CAPZB: variants seen among roughly 807,000 people sequenced by gnomAD.
CAPZB encodes F-actin-capping protein subunit beta.
Under a neutral mutation model 38.1 loss-of-function variants are expected in CAPZB, and 2 were observed. The observed-to-expected ratio is 0.05, with a 90% CI of 0.02 to 0.17. CAPZB has a LOEUF of 0.17. CAPZB is among the 10% of genes least tolerant of loss of function. CAPZB has a pLI of 1.00. For synonymous variants in CAPZB, 107 were observed against 127.4 expected, an observed-to-expected ratio of 0.84 and a Z score of 1.08; for missense variants, 161 against 334.2, an observed-to-expected ratio of 0.48 and a Z score of 4.04.
chr1:19,421,447 G>A (rs943033140), intron 1 of CAPZB, among the ~76,000 whole-genome samples: 5 of 152,354 alleles, frequency 3.3e-5, no homozygotes, highest in East Asian at 1.9e-4. Flanking sequence ...ATCAGTGACA[G>A]TTCATCCTGG....
chr1:19,476,850 AC>A (rs2094608604), intron 1 of CAPZB, among the ~76,000 whole-genome samples: 1 of 152,206 alleles, frequency 6.6e-6, no homozygotes, highest in Non-Finnish European at 1.5e-5. Flanking sequence ...GTACAGGGGA[AC>A]CTCTCGGCCC....
rs375503612 is a variant in CAPZB at position 19,478,267 on chromosome 1, G to C, written c.3+7169C>G. 5.9e-5 allele frequency among the ~76,000 whole-genome samples: 9 copies of C among 152,176 alleles called. No homozygotes were observed. In the East Asian group the frequency reaches 9.6e-4, roughly 16 times the overall value. ...GAAGGAACTAGCACCTGCCTTCCAG[G>C]CTGGTTGGGAAGTTAAATGAAACAC... On this transcript the variant is annotated intron_variant, in intron 1 of 8. Coordinates refer to ENST00000264202, the MANE Select transcript of CAPZB (RefSeq NM_004930.5).
chr1:19,417,193 G>A (rs1049212100), intron 2 of CAPZB, among the ~76,000 whole-genome samples: 3 of 152,044 alleles, frequency 2.0e-5, no homozygotes, highest in Non-Finnish European at 4.4e-5. Context: ...AGGGAGTCCC[G>A]GAGAAAAGAC....
At chr1:19,346,013 G>T (rs2093958550) in intron 6 of CAPZB, among the ~76,000 whole-genome samples, 1 of 152,178 alleles carries the variant, frequency 6.6e-6, no homozygotes, top group African/African-American at 2.4e-5. Context: ...GGAGGAGGGA[G>T]GAAATGGAGG....
intron 3 of CAPZB, among the ~76,000 whole-genome samples, chr1:19,379,903 C>A (rs2094164785): frequency 6.6e-6 from 1 of 152,160 alleles, no homozygotes; most frequent in African/African-American, 2.4e-5. Context: ...AAGTCCTTCA[C>A]ACTCTTGGTC....
intron 2 of CAPZB, among the ~76,000 whole-genome samples, chr1:19,411,854 C>T (rs949496733): frequency 6.6e-6 from 1 of 152,156 alleles, no homozygotes; most frequent in Non-Finnish European, 1.5e-5. Context: ...GCCACCTGGA[C>T]ACAAATCAGA....
In CAPZB at chr1:19,345,100, GAGA is replaced by G. The variant is rs1258039841; in HGVS notation, c.654+84_654+86del. The G allele has an allele frequency of 1.5e-5, 15 of 1,003,918 alleles. No individual in the cohort carries two copies. The African/African-American group carries it at 1.8e-4, about 12-fold the overall frequency. The allele number at this position is 1,003,918 out of a possible 1,614,324, so 62.2% of individuals were successfully genotyped here. A position where few individuals can be genotyped will look rare whatever the true frequency, so the allele number is the denominator to read the frequency against. ...GCGGTGGAGCTGAGAGAAAGCAGCA[GAGA>G]AGGAGGCCAGCACAGCGGCTCCGGG... is the stretch of plus-strand genomic sequence containing the variant. On this transcript the variant is annotated intron_variant, in intron 7 of 8. Transcript: ENST00000264202.
intron 3 of CAPZB, among the ~76,000 whole-genome samples, chr1:19,382,884 T>C (rs539843439): frequency 6.2e-4 from 94 of 152,330 alleles, no homozygotes; most frequent in African/African-American, 2.2e-3. Context: ...CTGAACTGCA[T>C]GCCGGGCGAG....
intron 1 of CAPZB, among the ~76,000 whole-genome samples, chr1:19,443,250 G>A (rs1297628300): frequency 2.0e-5 from 3 of 151,576 alleles, no homozygotes; most frequent in African/African-American, 7.3e-5. Flanking sequence ...AAAAAAATTA[G>A]CCAGGCATGG....
At chr1:19,456,802 T>C (rs1274143187) in intron 1 of CAPZB, among the ~76,000 whole-genome samples, 2 of 152,166 alleles carry the variant, frequency 1.3e-5, no homozygotes, top group Non-Finnish European at 2.9e-5. Context: ...AATAATGTTA[T>C]AAAGGGAGAA....
chr1:19,464,544 G>A (rs551898057), intron 1 of CAPZB, among the ~76,000 whole-genome samples: 3 of 151,900 alleles, frequency 2.0e-5, no homozygotes, highest in Non-Finnish European at 4.4e-5. Flanking sequence ...CACCCGCCTC[G>A]GCCTCCCAAA....
At chr1:19,358,514 T>G (rs956062841) in intron 4 of CAPZB, among the ~76,000 whole-genome samples, 1 of 152,172 alleles carries the variant, frequency 6.6e-6, no homozygotes, top group African/African-American at 2.4e-5. Flanking sequence ...ACGAAAAGGT[T>G]AGATGAGAAA....
intron 8 of CAPZB, among the ~76,000 whole-genome samples, chr1:19,343,972 C>G (rs2093947113): frequency 6.6e-6 from 1 of 152,196 alleles, no homozygotes; most frequent in Non-Finnish European, 1.5e-5. Context: ...TCTCGGAGAG[C>G]AGGCCAGCCA....
intron 6 of CAPZB, among the ~76,000 whole-genome samples, chr1:19,346,987 C>CAT (rs2093965033): frequency 6.7e-6 from 1 of 149,172 alleles, no homozygotes; most frequent in African/African-American, 2.5e-5. Context: ...CCACGTCCGG[C>CAT]TTTTTTTTAT....
chr1:19,383,903 G>A (rs533031178), intron 3 of CAPZB, among the ~76,000 whole-genome samples: 287 of 152,194 alleles, frequency 1.9e-3, no homozygotes, highest in Non-Finnish European at 2.9e-3. Context: ...CCTACCTGCA[G>A]AGGCCGCTGG....
At chr1:19,383,112 T>G (rs1218204446) in intron 3 of CAPZB, among the ~76,000 whole-genome samples, 1 of 56,546 alleles carries the variant, frequency 1.8e-5, no homozygotes, top group East Asian at 4.4e-4. Context: ...GGCCCCCATC[T>G]CTACAAAAAA....
At chr1:19,340,050 C>T (rs2093919687) in intron 8 of CAPZB, among the ~76,000 whole-genome samples, 1 of 152,234 alleles carries the variant, frequency 6.6e-6, no homozygotes, top group Admixed American at 6.5e-5. Flanking sequence ...GGACTCAGGC[C>T]AGGGGCTAAG....
chr1:19,484,641 G>T (rs2094644299), intron 1 of CAPZB: 1 of 1,171,458 alleles, frequency 8.5e-7, no homozygotes, highest in African/African-American at 1.6e-5. Flanking sequence ...AGGCTGCAAA[G>T]AAGGCGCGCC....
intron 6 of CAPZB, among the ~76,000 whole-genome samples, chr1:19,354,982 G>C (rs1349425927): frequency 1.3e-5 from 2 of 152,138 alleles, no homozygotes; most frequent in African/African-American, 4.8e-5. Context: ...CTAGTGAGTA[G>C]TCCTGGGATG....
Sources: allele counts gnomAD v4.1 joint callset (sites outside exome capture counted in the v4.1 genomes callset), GRCh38; gene constraint gnomAD v4.1.1; transcripts MANE v1.5; gene names NCBI Gene and HGNC (gene_info 2026-07-23, HGNC 2026-07-21).